The following KCTD19 variants were observed in gnomAD, a reference collection of about 807,000 sequenced individuals.
KCTD19 encodes the protein potassium channel tetramerization domain containing 19.
KCTD19 carries 67 observed loss-of-function variants against 103.5 expected under a neutral mutation model. The observed-to-expected ratio is 0.65, with a 90% CI of 0.53 to 0.79. The LOEUF is 0.79. KCTD19 is among the 30% of genes least tolerant of loss of function. The pLI, the probability that KCTD19 is intolerant of heterozygous loss-of-function variation, is 0.00. For synonymous variants in KCTD19, 439 were observed against 452.2 expected (o/e 0.97, Z 0.37); for missense variants, 980 against 1,136.1 (o/e 0.86, Z 1.98).
At position 67,314,694 on chromosome 16, in the gene KCTD19, A is replaced by C. The variant is rs2036983746; in HGVS notation, c.300+5895T>G. ...CGGCCTCCCAAAGTGCTGGGATTAT[A>C]GGCATGAGCCACCGCACCCAGCTGT... On this transcript the variant is annotated intron_variant, in intron 2 of 15. Coordinates refer to ENST00000304372, the MANE Select transcript of KCTD19 (RefSeq NM_001100915.3). 2.6e-5 allele frequency among the ~76,000 whole-genome samples: 4 copies of C among 151,664 alleles called. No individual in the cohort carries two copies. The South Asian group carries it at 8.3e-4, about 32-fold the overall frequency.
intron 4 of KCTD19, 60 bp from the exon 5 acceptor site, chr16:67,301,982 T>C: frequency 6.3e-7 from 1 of 1,578,288 alleles, no homozygotes; most frequent in South Asian, 1.1e-5. Flanking sequence ...TAGCTGTAGG[T>C]CCTGGTTTTG....
rs1336211618 is a variant in KCTD19, at chr16:67,303,046, G to A, written c.643+100C>T. 2.5e-6 allele frequency: 3 copies of A among 1,194,738 alleles called. No individual in the cohort carries two copies. The highest frequency in any genetic ancestry group is 3.6e-6 in the Non-Finnish European group (3 of 832,722). The allele number at this position is 1,194,738 out of a possible 1,614,324, so 74.0% of individuals were successfully genotyped here. ...ACCTCTGCCCAGGGAAGCTCCTGAG[G>A]CCCTGAGCACCAAGCTGGGCCTCTG... On this transcript the variant is annotated intron_variant, in intron 4 of 15. Transcript: ENST00000304372. This position sits in a 1 kb window ranked among gnomAD's most constrained non-coding sequence, Gnocchi z 4.3.
Position 67,294,158 on chromosome 16 carries a change from A to G in KCTD19, c.1604T>C (p.Met535Thr). 1 of 1,602,726 alleles carries G rather than the reference A, an allele frequency of 6.2e-7. No individual in the cohort carries two copies. Among genetic ancestry groups the G allele is most frequent in the African/African-American group, 1.3e-5 (1 of 74,842 alleles). The change falls in exon 12 of 16, where the codon ATG (methionine) becomes ACG (threonine). Residue 535 changes from methionine to threonine, a missense_variant. Transcript: ENST00000304372. ...ACTGCAGTCTTCGAAGTCCACAGGC[A>G]TGTAGGCTGTGGTCTGGGGAGGGAA... is the stretch of plus-strand genomic sequence containing the variant. Reference protein sequence around the residue: ...SRDTKETTAYMPVDFEDCSDR... With the variant: ...SRDTKETTAYTPVDFEDCSDR...
chr16:67,289,587 C>T lies in KCTD19; in HGVS notation c.2763G>A (p.Lys921=). The T allele has an allele frequency of 6.2e-7, 1 of 1,613,024 alleles. No individual in the cohort carries two copies. Among genetic ancestry groups the T allele is most frequent in the Non-Finnish European group, 8.5e-7 (1 of 1,179,016 alleles). ...GGGCACCCTAGTCCTCTTGTAGGTA[C>T]TTTCCCAGGATGGAGTAAGAGACAG... ...SRSVSYSILG[K]YLQED Residue 921 remains lysine, a synonymous_variant, in exon 16 of 16, where the codon AAG becomes AAA. Coordinates refer to ENST00000304372, the MANE Select transcript of KCTD19 (RefSeq NM_001100915.3).
chr16:67,321,353 TA>T (rs1480597239), intron 1 of KCTD19, among the ~76,000 whole-genome samples: 1 of 152,214 alleles, frequency 6.6e-6, no homozygotes, highest in Non-Finnish European at 1.5e-5. Context: ...TACTTAGGAA[TA>T]AATTTAACAA....
rs1392565663 is a variant in KCTD19, at chr16:67,296,243, C to A, written c.1164G>T (p.Glu388Asp). Reference protein sequence around the residue: ...PMDVLNEWTAEITVYSPQQII... With the variant: ...PMDVLNEWTADITVYSPQQII... ...TCTGTTGTGGGGAATACACAGTGAT[C>A]TCTGCCGTCCACTCATCTATGGGAA... is the stretch of plus-strand genomic sequence containing the variant. The change falls in exon 8 of 16, where the codon GAG becomes GAT. Residue 388 changes from glutamate to aspartate, a missense_variant. By Grantham distance (45) the Glu-to-Asp change is conservative. Transcript: ENST00000304372. 1.2e-6 allele frequency: 2 copies of A among 1,612,280 alleles called. No homozygotes were observed. The highest frequency in any genetic ancestry group is 1.7e-6 in the Non-Finnish European group (2 of 1,178,380).
chr16:67,324,223 C>T (rs1049616834), intron 1 of KCTD19, among the ~76,000 whole-genome samples: 85 of 151,930 alleles, frequency 5.6e-4, no homozygotes, highest in African/African-American at 1.6e-3. Context: ...TTTATCAATA[C>T]GATGGAAAAG....
chr16:67,297,470 G>A (rs761507587), intron 7 of KCTD19, 33 bp downstream of exon 7: 1 of 1,607,466 alleles, frequency 6.2e-7, no homozygotes, highest in South Asian at 1.1e-5. Flanking sequence ...CTCCCCTGAT[G>A]CTAAATTCAA....
At position 67,290,315 on chromosome 16, in the gene KCTD19, C is replaced by T. The variant is rs1392071883; in HGVS notation, c.2667+570G>A. ...GCCTCAGCCTCCTGAGTAGCTGGGA[C>T]TACAGGCGCCCACCACCACGCCTGG... On this transcript the variant is annotated intron_variant, in intron 15 of 15. Transcript: ENST00000304372. 2.0e-5 allele frequency among the ~76,000 whole-genome samples: 3 copies of T among 151,610 alleles called. No homozygotes were observed. The East Asian group carries it at 5.8e-4, about 30-fold the overall frequency.
intron 2 of KCTD19, among the ~76,000 whole-genome samples, chr16:67,310,670 G>A (rs949373685): frequency 5.3e-5 from 8 of 152,240 alleles, no homozygotes; most frequent in African/African-American, 1.9e-4. Flanking sequence ...GGAAGTATGT[G>A]TATGTATGTG....
At chr16:67,302,066 T>C (rs561836519) in intron 4 of KCTD19, 144 bp from the exon 5 acceptor site, 3 of 712,582 alleles carry the variant, frequency 4.2e-6, no homozygotes, top group South Asian at 1.7e-5. Context: ...CCTTATTAGA[T>C]TAGCTTTGAG....
At chr16:67,317,668 T>G (rs2142522190) in intron 2 of KCTD19, among the ~76,000 whole-genome samples, 1 of 152,298 alleles carries the variant, frequency 6.6e-6, no homozygotes, top group East Asian at 1.9e-4. Flanking sequence ...ATTTTGAGTA[T>G]AATAATATAT....
intron 2 of KCTD19, among the ~76,000 whole-genome samples, chr16:67,314,830 T>TATATATATATATAGAGAGAG (rs1430877802): frequency 3.0e-5 from 1 of 33,654 alleles, no homozygotes; most frequent in African/African-American, 2.1e-4. Flanking sequence ...TATATATATA[T>TATATATATATATAGAGAGAG]AGAGAGAGAG....
In KCTD19 at chr16:67,320,791, TGA is replaced by T. The variant is rs2037064784; in HGVS notation, c.96_97del (p.Gln33ValfsTer31). On this transcript the variant is annotated frameshift_variant, in exon 2 of 16. Coordinates refer to ENST00000304372, the MANE Select transcript of KCTD19 (RefSeq NM_001100915.3). LOFTEE classifies it high-confidence loss of function. The surrounding 1 kb of genome is among the most constrained non-coding windows in gnomAD (Gnocchi z 4.0). ...TTTCCACAGCAGGGAGTCTGGAAAC[TGA>T]GAGAGTTTGCTTCTGGGAACTGAGA... 1 of 1,614,172 alleles carries T rather than the reference TGA, an allele frequency of 6.2e-7. No individual in the cohort carries two copies. The highest frequency in any genetic ancestry group is 8.5e-7 in the Non-Finnish European group (1 of 1,180,034).
At chr16:67,298,695 A>G (rs1200402971) in intron 6 of KCTD19, among the ~76,000 whole-genome samples, 9 of 152,340 alleles carry the variant, frequency 5.9e-5, no homozygotes, top group Admixed American at 5.2e-4. Context: ...GACAGCATTC[A>G]GGGTCAGCTG....
rs776368985 is a variant in KCTD19 at position 67,326,685 on chromosome 16, C to A, written c.3+20G>T. 4 of 1,582,246 alleles carry A rather than the reference C, an allele frequency of 2.5e-6. No individual in the cohort carries two copies. Among genetic ancestry groups the A allele is most frequent in the African/African-American group, 2.8e-5 (2 of 72,198 alleles). ...GCCGCTTTGGTGCTTTTGGCGCCCC[C>A]GCCAGAGCGGGCTCCGTACCATGGT... On this transcript the variant is annotated intron_variant, in intron 1 of 15. Coordinates refer to ENST00000304372, the MANE Select transcript of KCTD19 (RefSeq NM_001100915.3).
intron 11 of KCTD19, 92 bp from the exon 12 acceptor site, chr16:67,294,263 C>T: frequency 1.5e-6 from 2 of 1,313,034 alleles, no homozygotes; most frequent in Non-Finnish European, 2.1e-6. Flanking sequence ...TCCAAGACTT[C>T]ACTTGCTCTC....
intron 8 of KCTD19, chr16:67,295,682 G>T: frequency 2.7e-6 from 1 of 366,154 alleles, no homozygotes. Context: ...CCTCAGAGCT[G>T]GCCCCCTCCC....
At position 67,297,258 on chromosome 16, in the gene KCTD19, G is replaced by A. The variant is rs1369607499; in HGVS notation, c.1147+245C>T. ...CCAGGGTCAAGGCAGGCCTGCCCTG[G>A]GGGTCCTGCGTGGCCCCAGACTGGG... On this transcript the variant is annotated intron_variant, in intron 7 of 15. Coordinates refer to ENST00000304372, the MANE Select transcript of KCTD19 (RefSeq NM_001100915.3). Among the ~76,000 whole-genome samples the A allele has an allele frequency of 5.3e-5, 8 of 152,310 alleles. No homozygotes were observed. The East Asian group carries it at 9.7e-4, about 18-fold the overall frequency.
Sources: gnomAD v4.1 joint callset for allele counts (sites outside exome capture counted in the v4.1 genomes callset) on GRCh38, gnomAD v4.1.1 for gene constraint, Gnocchi (gnomAD v3.1) non-coding constraint, MANE v1.5 for transcripts, NCBI Gene and HGNC (gene_info 2026-07-23, HGNC 2026-07-21) for gene names.